Variants in CATSPERT observed in about 807,000 individuals in gnomAD.
CATSPERT encodes cation channel sperm-associated targeting subunit tau.
the CATSPERT span, among the ~76,000 whole-genome samples, chr2:201,496,993 A>G: frequency 6.6e-6 from 1 of 152,236 alleles, no homozygotes; most frequent in Non-Finnish European, 1.5e-5. Context: ...TCATACAGAG[A>G]GAAAACGTGA....
At chr2:201,551,581 C>G in the CATSPERT span, among the ~76,000 whole-genome samples, 1 of 152,184 alleles carries the variant, frequency 6.6e-6, no homozygotes, top group Admixed American at 6.5e-5. Context: ...GTCACCTATT[C>G]TTGCTATAGC....
At chr2:201,522,480 C>T in the CATSPERT span, among the ~76,000 whole-genome samples, 1 of 152,058 alleles carries the variant, frequency 6.6e-6, no homozygotes, top group African/African-American at 2.4e-5. Context: ...AGGATGCAGA[C>T]TCTGGTTGAA....
At chr2:201,604,137 GTGTGTGTA>G in the CATSPERT span, among the ~76,000 whole-genome samples, 4 of 126,752 alleles carry the variant, frequency 3.2e-5, no homozygotes, top group African/African-American at 1.1e-4. Flanking sequence ...TGTGTGGTGT[GTGTGTGTA>G]TGTGTGTGTG....
At chr2:201,575,353 T>C in the CATSPERT span, 20 of 1,551,882 alleles carry the variant, frequency 1.3e-5, no homozygotes, top group Non-Finnish European at 1.7e-5. Flanking sequence ...AAATTTTAAA[T>C]ATAGAATTAC....
the CATSPERT span, among the ~76,000 whole-genome samples, chr2:201,577,714 T>C: frequency 6.6e-6 from 1 of 152,234 alleles, no homozygotes; most frequent in East Asian, 1.9e-4. Flanking sequence ...AGAAAGGTGG[T>C]TACCAGAGGC....
chr2:201,581,339 A>C, the CATSPERT span, among the ~76,000 whole-genome samples: 2 of 150,036 alleles, frequency 1.3e-5, no homozygotes, highest in Non-Finnish European at 3.0e-5. Context: ...CAGGGAGGCA[A>C]ATGTTGCAGT....
At chr2:201,517,882 T>C in the CATSPERT span, among the ~76,000 whole-genome samples, 63 of 152,332 alleles carry the variant, frequency 4.1e-4, 1 homozygote, top group African/African-American at 1.5e-3. Flanking sequence ...AAGAGCTCAG[T>C]ACCTCTTGCT....
the CATSPERT span, among the ~76,000 whole-genome samples, chr2:201,612,687 A>C: frequency 7.9e-5 from 12 of 151,484 alleles, no homozygotes; most frequent in Non-Finnish European, 1.3e-4. Flanking sequence ...TTTCCAACTG[A>C]GGTACTGGGT....
chr2:201,563,742 A>C, the CATSPERT span, among the ~76,000 whole-genome samples: 1 of 152,028 alleles, frequency 6.6e-6, no homozygotes, highest in African/African-American at 2.4e-5. Flanking sequence ...TGATCACTGT[A>C]ATTCTGAGCT....
At chr2:201,558,899 G>A in the CATSPERT span, among the ~76,000 whole-genome samples, 2 of 152,146 alleles carry the variant, frequency 1.3e-5, no homozygotes, top group Non-Finnish European at 2.9e-5. Flanking sequence ...CAGTTGCACA[G>A]AGCCTGGGTC....
the CATSPERT span, among the ~76,000 whole-genome samples, chr2:201,499,981 G>T: frequency 6.6e-6 from 1 of 151,054 alleles, no homozygotes; most frequent in Non-Finnish European, 1.5e-5. Context: ...GTTTCCCCAA[G>T]CAGTGGTATC....
At chr2:201,608,718 G>A in the CATSPERT span, among the ~76,000 whole-genome samples, 2 of 151,896 alleles carry the variant, frequency 1.3e-5, no homozygotes, top group African/African-American at 2.4e-5. Flanking sequence ...TCAGGAGGCT[G>A]AGTTGGGAGG....
the CATSPERT span, chr2:201,534,312 A>G: frequency 1.3e-6 from 1 of 797,882 alleles, no homozygotes. Context: ...AGTCAACCCC[A>G]CAGTATCTTG....
chr2:201,493,734 G>A, the CATSPERT span: 1 of 1,537,270 alleles, frequency 6.5e-7, no homozygotes, highest in East Asian at 2.4e-5. Flanking sequence ...TTGGTGCAGT[G>A]AATATTTGCC....
At chr2:201,494,534 A>T in the CATSPERT span, 1 of 1,536,860 alleles carries the variant, frequency 6.5e-7, no homozygotes, top group Non-Finnish European at 8.7e-7. Flanking sequence ...TCAGTTTCTA[A>T]CATCTTTGTT....
At chr2:201,532,939 T>A in the CATSPERT span, among the ~76,000 whole-genome samples, 64 of 152,238 alleles carry the variant, frequency 4.2e-4, 1 homozygote, top group East Asian at 0.012. Context: ...CAAAAAGATT[T>A]AAGGTGGTGA....
At chr2:201,536,167 T>C in the CATSPERT span, 1 of 1,613,488 alleles carries the variant, frequency 6.2e-7, no homozygotes, top group Non-Finnish European at 8.5e-7. Context: ...CCTGCTTTTA[T>C]TGTTTCCTGG....
chr2:201,580,077 C>A, the CATSPERT span, among the ~76,000 whole-genome samples: 3 of 152,074 alleles, frequency 2.0e-5, no homozygotes, highest in African/African-American at 7.2e-5. Context: ...CAACTACTGG[C>A]CTCAACAACT....
At chr2:201,502,144 G>A in the CATSPERT span, among the ~76,000 whole-genome samples, 1 of 152,200 alleles carries the variant, frequency 6.6e-6, no homozygotes, top group South Asian at 2.1e-4. Flanking sequence ...GCTGTACTTA[G>A]GAGCAGATGA....
Sources: allele counts gnomAD v4.1 joint callset (sites outside exome capture counted in the v4.1 genomes callset), GRCh38; gene constraint gnomAD v4.1.1; transcripts MANE v1.5; gene names NCBI Gene and HGNC (gene_info 2026-07-23, HGNC 2026-07-21).